The following IQANK1 variants were observed in gnomAD, a reference collection of about 807,000 sequenced individuals.
IQANK1 encodes the protein IQ motif and ankyrin repeat containing 1, also known as IQ motif and ankyrin repeat domain-containing protein 1.
IQANK1 carries 30 observed loss-of-function variants against 22.6 expected under a neutral mutation model. That is an observed-to-expected ratio of 1.33 (90% confidence interval 0.99 to 1.80). The LOEUF is 1.80. Among genes scored for constraint, IQANK1 ranks in the 40% most tolerant of loss-of-function variants. The pLI is 0.00. For synonymous variants in IQANK1, 122 were observed against 99.6 expected (o/e 1.23, Z -1.34); for missense variants, 275 against 235.2 (o/e 1.17, Z -1.11).
rs56363110 is a variant in IQANK1 at position 143,771,390 on chromosome 8, C to A, written c.176-98C>A. On this transcript the variant is annotated intron_variant, in intron 3 of 13. Transcript: ENST00000527139. This position sits in a 1 kb window ranked among gnomAD's most constrained non-coding sequence, Gnocchi z 6.0. ...TTGAGAGCCGTTTGGGTCCTTCTGT[C>A]GGGGCGGGGGCGGGGGCGGGGCCGG... 5.9e-6 allele frequency: 2 copies of A among 338,520 alleles called. No individual in the cohort carries two copies. Among genetic ancestry groups the A allele is most frequent in the African/African-American group, 2.4e-5 (1 of 41,398 alleles). The allele number at this position is 338,520 out of a possible 1,614,324, so 21.0% of individuals were successfully genotyped here. A position where few individuals can be genotyped will look rare whatever the true frequency, so the allele number is the denominator to read the frequency against.
At chr8:143,786,865 G>A (rs1476409260) in intron 7 of IQANK1, among the ~76,000 whole-genome samples, 1 of 152,338 alleles carries the variant, frequency 6.6e-6, no homozygotes, top group African/African-American at 2.4e-5. Context: ...GCCAGTGTAA[G>A]ATCCTGAGGG....
At position 143,774,801 on chromosome 8, in the gene IQANK1, C is replaced by T. The variant is rs926049726; in HGVS notation, c.789+2319C>T. On this transcript the variant is annotated intron_variant, in intron 7 of 13. Transcript: ENST00000527139. The surrounding 1 kb of genome is among the most constrained non-coding windows in gnomAD (Gnocchi z 4.2). Reference sequence around the variant, plus strand: ...CCACTAGCTTGGTGCATTCCTGCCACGAAACACGCTTGGCAATAAAACGGT... The same window carrying T: ...CCACTAGCTTGGTGCATTCCTGCCATGAAACACGCTTGGCAATAAAACGGT... Among the ~76,000 whole-genome samples, 5 of 152,200 alleles carry T rather than the reference C, an allele frequency of 3.3e-5. No individual in the cohort carries two copies. The highest frequency in any genetic ancestry group is 9.7e-5 in the African/African-American group (4 of 41,442).
intron 3 of IQANK1, among the ~76,000 whole-genome samples, chr8:143,768,295 T>C (rs1426598103): frequency 4.6e-5 from 7 of 152,116 alleles, no homozygotes; most frequent in Non-Finnish European, 1.0e-4. Context: ...GCTTGTGACG[T>C]TGCCCTCGAT....
intron 13 of IQANK1, 28 bp from the exon 14 acceptor site, chr8:143,790,322 C>T: frequency 8.2e-7 from 1 of 1,226,946 alleles, no homozygotes; most frequent in Non-Finnish European, 1.0e-6. Flanking sequence ...CCTAGCCCCA[C>T]CCTGGCCTCA....
chr8:143,743,753 T>A, intron 3 of IQANK1: 1 of 341,090 alleles, frequency 2.9e-6, no homozygotes, highest in South Asian at 2.1e-5. Context: ...GTTGTGTGAA[T>A]AATTATGCTG....
At chr8:143,789,134 G>A (rs562404755) in intron 8 of IQANK1, 55 bp from the exon 9 acceptor site, 5 of 401,524 alleles carry the variant, frequency 1.2e-5, no homozygotes, top group African/African-American at 8.2e-5. Context: ...CGGGCAGGGG[G>A]TGCTGGTGGG....
At chr8:143,749,582 A>ATATT (rs1223131772) in intron 3 of IQANK1, among the ~76,000 whole-genome samples, 53 of 129,400 alleles carry the variant, frequency 4.1e-4, no homozygotes, top group African/African-American at 1.2e-3. Flanking sequence ...ATATATATAT[A>ATATT]TTTTATTTAT....
chr8:143,769,754 C>T (rs1819539161), intron 3 of IQANK1, among the ~76,000 whole-genome samples: 3 of 152,268 alleles, frequency 2.0e-5, no homozygotes, highest in East Asian at 3.9e-4. Flanking sequence ...CTTTGAATGC[C>T]GTCAGACACT....
At chr8:143,740,096 G>A in intron 3 of IQANK1, 148 bp downstream of exon 3, 1 of 523,736 alleles carries the variant, frequency 1.9e-6, no homozygotes, top group Non-Finnish European at 3.4e-6. Flanking sequence ...GAGTGCGCGT[G>A]TACGCGCACC....
At chr8:143,770,457 G>A (rs1231333103) in intron 3 of IQANK1, among the ~76,000 whole-genome samples, 1 of 152,154 alleles carries the variant, frequency 6.6e-6, no homozygotes, top group Non-Finnish European at 1.5e-5. Flanking sequence ...TCCCACATGG[G>A]CTCAGCTCTC....
chr8:143,750,974 G>A (rs933835363), intron 3 of IQANK1, among the ~76,000 whole-genome samples: 1 of 139,026 alleles, frequency 7.2e-6, no homozygotes, highest in South Asian at 2.3e-4. Flanking sequence ...GTGTTTTTTT[G>A]TAGTGAAATG....
At chr8:143,738,476 G>T (rs559101783) in intron 2 of IQANK1, among the ~76,000 whole-genome samples, 2 of 152,296 alleles carry the variant, frequency 1.3e-5, no homozygotes, top group African/African-American at 4.8e-5. Context: ...GCCAGGCCAC[G>T]CCAGGGAGTT....
Position 143,747,031 on chromosome 8 carries a change from C to G in IQANK1, c.175+7083C>G, listed in dbSNP as rs549122615. The stretch of plus-strand genomic sequence containing the variant: ...AGTAGCTGGGATTACAGGTGCCCAC[C>G]ACCACGCCCGGCTAATTTTTTGTAT... On this transcript the variant is annotated intron_variant, in intron 3 of 13. Transcript: ENST00000527139. Among the ~76,000 whole-genome samples the G allele has an allele frequency of 3.9e-5, 6 of 152,300 alleles. No homozygotes were observed. The East Asian group carries it at 5.8e-4, about 15-fold the overall frequency.
intron 7 of IQANK1, among the ~76,000 whole-genome samples, chr8:143,776,055 C>T (rs1819676303): frequency 6.7e-6 from 1 of 148,870 alleles, no homozygotes; most frequent in Non-Finnish European, 1.5e-5. Flanking sequence ...GGCGCGGCGG[C>T]TCACGCCTGT....
At chr8:143,763,614 A>T (rs1212130759) in intron 3 of IQANK1, among the ~76,000 whole-genome samples, 1 of 152,218 alleles carries the variant, frequency 6.6e-6, no homozygotes, top group Non-Finnish European at 1.5e-5. Context: ...CCTGGCATCC[A>T]TCTTGCTCTG....
At chr8:143,738,840 G>T (rs1179938191) in intron 2 of IQANK1, among the ~76,000 whole-genome samples, 1 of 152,218 alleles carries the variant, frequency 6.6e-6, no homozygotes, top group Non-Finnish European at 1.5e-5. Context: ...CCTGAGCCCA[G>T]CTGGCCATGG....
intron 2 of IQANK1, among the ~76,000 whole-genome samples, chr8:143,737,734 G>A (rs187126148): frequency 0.015 from 2,316 of 152,308 alleles, 25 homozygotes; most frequent in Non-Finnish European, 0.022. Flanking sequence ...CGTGTACCCA[G>A]GCCTGCTCCT....
rs1819563044 is a variant in IQANK1 at position 143,771,175 on chromosome 8, GA to G, written c.176-312del. 6.6e-6 allele frequency among the ~76,000 whole-genome samples: 1 copy of G among 152,206 alleles called. No homozygotes were observed. Among genetic ancestry groups the G allele is most frequent in the African/African-American group, 2.4e-5 (1 of 41,466 alleles). ...TTTCAGGGAAGGGTGTCCCGCGGGG[GA>G]CAGCACCCCTTCCTCACCGTTCCTC... On this transcript the variant is annotated intron_variant, in intron 3 of 13. Transcript: ENST00000527139. The surrounding 1 kb of genome is among the most constrained non-coding windows in gnomAD (Gnocchi z 6.0).
chr8:143,737,931 C>T (rs1818786488), intron 2 of IQANK1, among the ~76,000 whole-genome samples: 2 of 152,214 alleles, frequency 1.3e-5, no homozygotes, highest in Non-Finnish European at 2.9e-5. Flanking sequence ...GGCATGGGGT[C>T]CCCTGCTCCA....
Sources: gnomAD v4.1 joint callset for allele counts (sites outside exome capture counted in the v4.1 genomes callset) on GRCh38, gnomAD v4.1.1 for gene constraint, Gnocchi (gnomAD v3.1) non-coding constraint, MANE v1.5 for transcripts, NCBI Gene and HGNC (gene_info 2026-07-23, HGNC 2026-07-21) for gene names.